The following SLC35A3 variants were observed in gnomAD, a reference collection of about 807,000 sequenced individuals.
SLC35A3 encodes the protein UDP-N-acetylglucosamine transporter.
Under a neutral mutation model 39.0 loss-of-function variants are expected in SLC35A3, and 26 were observed. That is an observed-to-expected ratio of 0.67 (90% CI 0.49 to 0.92). The LOEUF is 0.92. Among genes scored for constraint, SLC35A3 ranks in the 40% least tolerant of loss-of-function variants. SLC35A3 has a pLI of 0.00. For missense variants in SLC35A3, 299 were observed against 371.6 expected, an observed-to-expected ratio of 0.80 and a Z score of 1.61; for synonymous variants, 135 against 133.1, an observed-to-expected ratio of 1.01 and a Z score of -0.10.
intron 5 of SLC35A3, among the ~76,000 whole-genome samples, chr1:100,015,002 C>G (rs1041093551): frequency 1.3e-5 from 2 of 151,504 alleles, no homozygotes; most frequent in African/African-American, 4.8e-5. Flanking sequence ...ACTAAAAATA[C>G]AAAAAATTAG....
intron 5 of SLC35A3, among the ~76,000 whole-genome samples, chr1:100,013,232 T>C (rs368646373): frequency 1.6e-4 from 24 of 152,146 alleles, no homozygotes; most frequent in African/African-American, 5.3e-4. Context: ...TAATCCCAGA[T>C]ACTTGGGAGG....
chr1:99,981,243 G>C (rs1157757934), intron 1 of SLC35A3, among the ~76,000 whole-genome samples: 1 of 152,036 alleles, frequency 6.6e-6, no homozygotes, highest in East Asian at 1.9e-4. Flanking sequence ...TGACATATTT[G>C]CATAGCACTT....
At chr1:100,014,886 A>C (rs992724406) in intron 5 of SLC35A3, among the ~76,000 whole-genome samples, 2 of 152,132 alleles carry the variant, frequency 1.3e-5, no homozygotes, top group African/African-American at 4.8e-5. Context: ...TTGGCTGGGC[A>C]CGTAACTCAC....
intron 6 of SLC35A3, 60 bp downstream of exon 6, chr1:100,015,480 A>C: frequency 3.9e-6 from 6 of 1,524,784 alleles, no homozygotes; most frequent in Non-Finnish European, 5.3e-6. Context: ...ATAAAGAATC[A>C]AAGTAGCTCC....
At chr1:100,016,360 G>A (rs561274909) in intron 6 of SLC35A3, among the ~76,000 whole-genome samples, 7 of 148,782 alleles carry the variant, frequency 4.7e-5, no homozygotes, top group Non-Finnish European at 1.0e-4. Context: ...CACCGCGCCC[G>A]GCCCGGATAC....
chr1:100,018,699 T>C (rs1003431167), intron 7 of SLC35A3, among the ~76,000 whole-genome samples: 1 of 152,106 alleles, frequency 6.6e-6, no homozygotes, highest in Non-Finnish European at 1.5e-5. Context: ...AGGCTGATCT[T>C]GAACTCCTTA....
At chr1:100,010,710 A>G (rs1659570101) in intron 4 of SLC35A3, among the ~76,000 whole-genome samples, 1 of 152,218 alleles carries the variant, frequency 6.6e-6, no homozygotes, top group Admixed American at 6.5e-5. Context: ...TCCAGCTAGT[A>G]GAAGATCAAA....
Position 99,993,594 on chromosome 1 carries a change from G to T in SLC35A3, c.40G>T (p.Val14Phe), listed in dbSNP as rs1392040093. Reference protein sequence around the residue: ...NLKYVSLGILVFQTTSLVLTM... With the variant: ...NLKYVSLGILFFQTTSLVLTM... ...AAAATACGTTTCCCTGGGAATTTTGGTCTTTCAGACTACCAGTTTGGTTCT... is the reference window on the plus strand; with the variant it reads ...AAAATACGTTTCCCTGGGAATTTTGTTCTTTCAGACTACCAGTTTGGTTCT... The change falls in exon 2 of 8, where the codon GTC becomes TTC. Residue 14 changes from valine to phenylalanine, a missense_variant. Coordinates refer to ENST00000533028, the MANE Select transcript of SLC35A3 (RefSeq NM_012243.3). The T allele has an allele frequency of 1.2e-6, 2 of 1,613,742 alleles. No homozygotes were observed. Among genetic ancestry groups the T allele is most frequent in the Admixed American group, 1.7e-5 (1 of 59,970 alleles).
At chr1:100,003,438 A>AAGAG (rs58982536) in intron 3 of SLC35A3, among the ~76,000 whole-genome samples, 2 of 149,002 alleles carry the variant, frequency 1.3e-5, no homozygotes, top group African/African-American at 5.1e-5. Context: ...AAAAAAAAAA[A>AAGAG]AGAGAAGAGG....
chr1:99,993,456 T>A (rs962383445), intron 1 of SLC35A3, 81 bp from the exon 2 acceptor site: 18 of 1,187,628 alleles, frequency 1.5e-5, no homozygotes, highest in Non-Finnish European at 2.1e-5. Flanking sequence ...CCCTCTCCCT[T>A]CTCCCTCTCG....
intron 2 of SLC35A3, among the ~76,000 whole-genome samples, chr1:99,994,742 A>G (rs1658282146): frequency 6.6e-6 from 1 of 152,200 alleles, no homozygotes; most frequent in Non-Finnish European, 1.5e-5. Context: ...TAATGCTGGA[A>G]AGAACAATGA....
chr1:100,022,541 C>T lies in SLC35A3; in HGVS notation c.*65C>T, dbSNP rs189309503. The T allele has an allele frequency of 1.2e-6, 1 of 809,670 alleles. No homozygotes were observed. Among genetic ancestry groups the T allele is most frequent in the African/African-American group, 1.7e-5 (1 of 57,940 alleles). 50.2% of individuals were successfully genotyped at this position (809,670 alleles called of 1,614,324 possible). On this transcript the variant is annotated 3_prime_UTR_variant, in exon 8 of 8. Transcript: ENST00000533028. ...TAGGAATCTCGACATTAATCTTGCA[C>T]AGAGGACTTCTACAGAGTCTGAGAA...
chr1:99,990,267 G>A (rs941624069), intron 1 of SLC35A3, among the ~76,000 whole-genome samples: 2 of 151,012 alleles, frequency 1.3e-5, no homozygotes, highest in African/African-American at 4.9e-5. Flanking sequence ...GGGGTAGAGG[G>A]TTATTTTTTA....
intron 7 of SLC35A3, among the ~76,000 whole-genome samples, chr1:100,022,006 C>G (rs1036603652): frequency 6.6e-6 from 1 of 152,166 alleles, no homozygotes; most frequent in South Asian, 2.1e-4. Flanking sequence ...AAATACAGAA[C>G]TTAAAATAGC....
At chr1:99,977,913 G>C (rs1221136293) in intron 1 of SLC35A3, among the ~76,000 whole-genome samples, 1 of 152,148 alleles carries the variant, frequency 6.6e-6, no homozygotes, top group African/African-American at 2.4e-5. Context: ...AGTACGTGGG[G>C]AGCAATTCTA....
intron 1 of SLC35A3, among the ~76,000 whole-genome samples, chr1:99,989,130 A>G (rs1408202225): frequency 1.3e-5 from 2 of 152,140 alleles, no homozygotes; most frequent in East Asian, 3.8e-4. Flanking sequence ...ATCCCCTTTA[A>G]CACTTAGTTG....
intron 3 of SLC35A3, among the ~76,000 whole-genome samples, chr1:100,005,192 G>T (rs1339228029): frequency 3.9e-5 from 6 of 152,156 alleles, no homozygotes; most frequent in African/African-American, 1.4e-4. Flanking sequence ...CTGCTGCTAA[G>T]ACTGATGGAG....
rs561550523 is a variant in SLC35A3, at chr1:100,019,446, G to A, written c.887+1631G>A. ...TTTGAGAATATGCTCAGGACACTAA[G>A]CCAGATGGAGAAGATGGATTCTTTT... On this transcript the variant is annotated intron_variant, in intron 7 of 7. Coordinates refer to ENST00000533028, the MANE Select transcript of SLC35A3 (RefSeq NM_012243.3). Among the ~76,000 whole-genome samples the A allele has an allele frequency of 4.6e-5, 7 of 152,288 alleles. No homozygotes were observed. The East Asian group carries it at 1.3e-3, about 29-fold the overall frequency.
At chr1:99,987,944 A>G (rs553566446) in intron 1 of SLC35A3, among the ~76,000 whole-genome samples, 1 of 152,220 alleles carries the variant, frequency 6.6e-6, no homozygotes, top group Non-Finnish European at 1.5e-5. Flanking sequence ...CTGGTTAGGA[A>G]TGCTATTATT....
Sources: allele counts gnomAD v4.1 joint callset (sites outside exome capture counted in the v4.1 genomes callset), GRCh38; gene constraint gnomAD v4.1.1; transcripts MANE v1.5; gene names NCBI Gene and HGNC (gene_info 2026-07-23, HGNC 2026-07-21).